FGD3: variants seen among roughly 807,000 people sequenced by gnomAD.
FGD3 encodes FYVE, RhoGEF and PH domain containing 3, also known as FYVE, RhoGEF and PH domain-containing protein 3.
In FGD3, 45 loss-of-function variants were observed where a neutral mutation model predicts 71.8. The ratio of observed to expected loss-of-function variants is 0.63; its 90% CI spans 0.49 to 0.80. FGD3 has a LOEUF of 0.80. Among genes scored for constraint, FGD3 ranks in the 30% least tolerant of loss-of-function variants. The pLI, the probability that FGD3 is intolerant of heterozygous loss-of-function variation, is 0.00. For synonymous variants in FGD3, 378 were observed against 392.8 expected, an observed-to-expected ratio of 0.96 and a Z score of 0.44; for missense variants, 844 against 951.5, an observed-to-expected ratio of 0.89 and a Z score of 1.49.
At chr9:93,012,705 A>AGGGGGG in intron 8 of FGD3, among the ~76,000 whole-genome samples, 1 of 53,250 alleles carries the variant, frequency 1.9e-5, no homozygotes, top group Admixed American at 2.1e-4. Flanking sequence ...GGGGGGGGGA[A>AGGGGGG]GAATCAATCT....
At chr9:92,974,275 C>G (rs1046927903) in intron 1 of FGD3, among the ~76,000 whole-genome samples, 2 of 152,200 alleles carry the variant, frequency 1.3e-5, no homozygotes, top group Non-Finnish European at 2.9e-5. Context: ...ATTGCTCTGC[C>G]ATGTTTGACC....
Position 93,011,368 on chromosome 9 carries a change from G to A in FGD3, c.1035+96G>A, listed in dbSNP as rs887241461. The A allele has an allele frequency of 1.4e-5, 21 of 1,471,190 alleles. 1 individual carries two copies. The highest frequency in any genetic ancestry group is 4.2e-4 in the Middle Eastern group (2 of 4,712). 91.1% of individuals were successfully genotyped at this position (1,471,190 alleles called of 1,614,324 possible). ...CCAGCCCCTTTGCCGCTATCCTTTG[G>A]GGGGCTCCACAAGTGACTCTTTTAT... On this transcript the variant is annotated intron_variant, in intron 8 of 17. Coordinates refer to ENST00000375482, the MANE Select transcript of FGD3 (RefSeq NM_001083536.2).
Position 93,028,216 on chromosome 9 carries a change from ACG to A in FGD3, c.1558-1656_1558-1655del, listed in dbSNP as rs1554740233. 7.4e-3 allele frequency among the ~76,000 whole-genome samples: 948 copies of A among 127,514 alleles called. 11 individuals are homozygous for A. Among genetic ancestry groups the A allele is most frequent in the African/African-American group, 0.024 (780 of 32,430 alleles). The allele number at this position is 127,514 out of a possible 152,430, so 83.7% of individuals were successfully genotyped here. A position where few individuals can be genotyped will look rare whatever the true frequency, so the allele number is the denominator to read the frequency against. ...AGCCCCGACACACACACACACACAC[ACG>A]CACACACACACACACACACCCCAAT... On this transcript the variant is annotated intron_variant, in intron 14 of 17. Transcript: ENST00000375482.
chr9:92,971,561 CTTTTCTTTTTTTTTTTTTT>C (rs1265584450), intron 1 of FGD3, among the ~76,000 whole-genome samples: 1 of 63,248 alleles, frequency 1.6e-5, no homozygotes, highest in Non-Finnish European at 2.9e-5. Context: ...CTTTTCTTTT[CTTTTCTTTTTTTTTTTTTT>C]TTTTTTTTTT....
At chr9:93,033,690 G>T (rs550094531) in intron 16 of FGD3, 1 of 152,906 alleles carries the variant, frequency 6.5e-6, no homozygotes, top group Admixed American at 6.5e-5. Flanking sequence ...CACAGCCTGC[G>T]GTTTGCAGTG....
intron 1 of FGD3, among the ~76,000 whole-genome samples, chr9:92,974,916 T>G (rs1449047300): frequency 6.6e-6 from 1 of 152,190 alleles, no homozygotes; most frequent in Non-Finnish European, 1.5e-5. Context: ...ATGTTCAAGA[T>G]GACCCTTCCC....
chr9:93,034,702 A>T lies in FGD3; in HGVS notation c.1926+21A>T, dbSNP rs757549340. The stretch of plus-strand genomic sequence containing the variant: ...GCCAGGTACGTGTCCCCACCCCACC[A>T]GGCCCTCAGGCCAGCAGCCCAGAGC... On this transcript the variant is annotated intron_variant, in intron 17 of 17. Transcript: ENST00000375482. 2.5e-6 allele frequency: 4 copies of T among 1,606,476 alleles called. No individual in the cohort carries two copies. The South Asian group carries it at 4.4e-5, about 18-fold the overall frequency.
chr9:92,977,501 A>G (rs570639581), intron 3 of FGD3, among the ~76,000 whole-genome samples: 14 of 152,190 alleles, frequency 9.2e-5, no homozygotes, highest in African/African-American at 3.1e-4. Context: ...CACGGGGACC[A>G]TCGGGAGACG....
At chr9:92,996,815 A>G (rs1337229300) in intron 3 of FGD3, among the ~76,000 whole-genome samples, 1 of 152,100 alleles carries the variant, frequency 6.6e-6, no homozygotes, top group Admixed American at 6.6e-5. Flanking sequence ...CCTGAGTTCT[A>G]GTTTGATTGC....
intron 11 of FGD3, among the ~76,000 whole-genome samples, chr9:93,018,598 C>A (rs552307660): frequency 5.9e-5 from 9 of 152,244 alleles, no homozygotes; most frequent in Admixed American, 5.2e-4. Context: ...ATGTGGTGAC[C>A]TGGTGAGTTT....
intron 1 of FGD3, among the ~76,000 whole-genome samples, chr9:92,952,657 C>T (rs1858976740): frequency 6.6e-6 from 1 of 151,820 alleles, no homozygotes; most frequent in South Asian, 2.1e-4. Context: ...TCCCTCCTTC[C>T]CCCTCTTTCT....
At chr9:93,034,090 C>T (rs905018119) in intron 16 of FGD3, 7 of 153,738 alleles carry the variant, frequency 4.6e-5, no homozygotes, top group African/African-American at 1.7e-4. Flanking sequence ...AAGCCACGTC[C>T]AAATGGTGGA....
At chr9:93,012,354 G>C (rs1447411745) in intron 8 of FGD3, among the ~76,000 whole-genome samples, 4 of 152,222 alleles carry the variant, frequency 2.6e-5, no homozygotes, top group Non-Finnish European at 4.4e-5. Context: ...AGGAGAGTGA[G>C]AGCTGCAACA....
At chr9:92,951,889 T>G (rs1253354237) in intron 1 of FGD3, among the ~76,000 whole-genome samples, 1 of 152,134 alleles carries the variant, frequency 6.6e-6, no homozygotes, top group African/African-American at 2.4e-5. Flanking sequence ...AGACCCTGAC[T>G]TTACGGCTGC....
intron 7 of FGD3, 42 bp downstream of exon 7, chr9:93,010,426 C>T: frequency 6.4e-7 from 1 of 1,558,992 alleles, no homozygotes; most frequent in Non-Finnish European, 8.7e-7. Context: ...GCAGGGGCAC[C>T]TGCCAAGAAC....
rs368875965 is a variant in FGD3 at position 92,953,525 on chromosome 9, T to G, written c.-218+5796T>G. On this transcript the variant is annotated intron_variant, in intron 1 of 17. Coordinates refer to ENST00000375482, the MANE Select transcript of FGD3 (RefSeq NM_001083536.2). ...GAGTGATGACTAGCCAGCTTCTCGC[T>G]GCTCACACTGTAGCATTTTACACAC... Among the ~76,000 whole-genome samples, 38 of 152,378 alleles carry G rather than the reference T, an allele frequency of 2.5e-4. No homozygotes were observed. The East Asian group carries it at 7.1e-3, about 29-fold the overall frequency.
intron 3 of FGD3, 125 bp from the exon 4 acceptor site, chr9:93,002,800 C>A: frequency 1.2e-6 from 1 of 852,324 alleles, no homozygotes; most frequent in South Asian, 1.5e-5. Context: ...TGCCCCTTCT[C>A]TTGCCCCAGT....
At chr9:92,997,100 G>T (rs1203579446) in intron 3 of FGD3, among the ~76,000 whole-genome samples, 2 of 152,192 alleles carry the variant, frequency 1.3e-5, no homozygotes, top group African/African-American at 4.8e-5. Context: ...TTATTTTTGT[G>T]TGGGAGTCTA....
rs1253870149 is a variant in FGD3 at position 93,003,670 on chromosome 9, G to T, written c.544-331G>T. On this transcript the variant is annotated intron_variant, in intron 4 of 17. Coordinates refer to ENST00000375482, the MANE Select transcript of FGD3 (RefSeq NM_001083536.2). The surrounding 1 kb of genome is among the most constrained non-coding windows in gnomAD (Gnocchi z 4.1). ...AGCTGGGGTTTTGACAGACAGTGCTGCTGCTGTTTTTATCTCACGAGAAAG... is the reference window on the plus strand; with the variant it reads ...AGCTGGGGTTTTGACAGACAGTGCTTCTGCTGTTTTTATCTCACGAGAAAG... Among the ~76,000 whole-genome samples the T allele has an allele frequency of 2.0e-5, 3 of 152,202 alleles. No homozygotes were observed. Among genetic ancestry groups the T allele is most frequent in the Non-Finnish European group, 4.4e-5 (3 of 68,030 alleles).
Sources: allele counts gnomAD v4.1 joint callset (sites outside exome capture counted in the v4.1 genomes callset), GRCh38; gene constraint gnomAD v4.1.1; non-coding constraint Gnocchi (gnomAD v3.1); transcripts MANE v1.5; gene names NCBI Gene and HGNC (gene_info 2026-07-23, HGNC 2026-07-21).